MYO9A: variants seen among roughly 807,000 people sequenced by gnomAD.
MYO9A encodes the protein myosin IXA.
Under a neutral mutation model 293.3 loss-of-function variants are expected in MYO9A, and 103 were observed. The ratio of observed to expected loss-of-function variants is 0.35; its 90% CI spans 0.30 to 0.41. The LOEUF is 0.41. Among genes scored for constraint, MYO9A ranks in the 10% least tolerant of loss-of-function variants. MYO9A has a pLI of 1.00. For missense variants in MYO9A, 2,685 were observed against 3,033.0 expected (o/e 0.89, Z 2.69); for synonymous variants, 1,001 against 1,035.7 (o/e 0.97, Z 0.64).
At chr15:71,842,950 G>C (rs2055226095) in intron 39 of MYO9A, among the ~76,000 whole-genome samples, 1 of 151,640 alleles carries the variant, frequency 6.6e-6, no homozygotes. Context: ...GGGGTGGTGA[G>C]GATCAATGTT....
In MYO9A at chr15:71,970,369, T is replaced by C. The variant is rs115813258; in HGVS notation, c.1845-2244A>G. Among the ~76,000 whole-genome samples the C allele has an allele frequency of 4.5e-3, 687 of 152,302 alleles. 4 individuals carry two copies. Among genetic ancestry groups the C allele is most frequent in the African/African-American group, 0.015 (643 of 41,564 alleles). ...GGAAAGGCTAAACCAAGACCTCTGA[T>C]TCTAAACCCATACACCTAGAGCACT... is the stretch of plus-strand genomic sequence containing the variant. On this transcript the variant is annotated intron_variant, in intron 12 of 41. Transcript: ENST00000356056.
chr15:72,060,592 G>T (rs965376116), intron 1 of MYO9A, among the ~76,000 whole-genome samples: 1 of 152,126 alleles, frequency 6.6e-6, no homozygotes, highest in Non-Finnish European at 1.5e-5. Flanking sequence ...CGTCACAGGA[G>T]AAAGCAGCAC....
intron 1 of MYO9A, among the ~76,000 whole-genome samples, chr15:72,092,157 G>C (rs2150632446): frequency 6.6e-6 from 1 of 152,292 alleles, no homozygotes; most frequent in South Asian, 2.1e-4. Flanking sequence ...CTCAGGCTTT[G>C]GTTTTCATAG....
rs1254816752 is a variant in MYO9A at position 71,897,973 on chromosome 15, T to C, written c.4530A>G (p.Lys1510=). The change falls in exon 25 of 42, where the codon AAA becomes AAG. Residue 1510 remains lysine, a synonymous_variant. Coordinates refer to ENST00000356056, the MANE Select transcript of MYO9A (RefSeq NM_006901.4). ...GCTGGCGAATCTGTTCCATCATCTC[T>C]TTTTCATTCTGTTGCTGCAACTGTT... ...RQKQLQQQNE[K]EMMEQIRQQT... 3.7e-6 allele frequency: 6 copies of C among 1,614,172 alleles called. No homozygotes were observed. The highest frequency in any genetic ancestry group is 4.2e-6 in the Non-Finnish European group (5 of 1,180,046).
At chr15:71,996,766 C>T (rs1172946856) in intron 9 of MYO9A, among the ~76,000 whole-genome samples, 2 of 151,916 alleles carry the variant, frequency 1.3e-5, no homozygotes. Context: ...TTCTCACTAC[C>T]GCAGCCTCCG....
rs768892040 is a variant in MYO9A at position 71,823,058 on chromosome 15, TACAG to T, written c.*3518_*3521del. On this transcript the variant is annotated 3_prime_UTR_variant, in exon 42 of 42. Coordinates refer to ENST00000356056, the MANE Select transcript of MYO9A (RefSeq NM_006901.4). ...TGGGTGGACATAACACATTTGTCCA[TACAG>T]AATGATGCATGCCCCGCATCCAGCT... 6.6e-6 allele frequency: 1 copy of T among 151,966 alleles called. No homozygotes were observed. The highest frequency in any genetic ancestry group is 1.5e-5 in the Non-Finnish European group (1 of 68,008). The allele number at this position is 151,966 out of a possible 1,614,324, so 9.4% of individuals were successfully genotyped here.
rs1567171999 is a variant in MYO9A, at chr15:71,826,834, C to CTG, written c.7391_7392dup (p.Gly2465GlnfsTer39). ...CCTTCCATTCCCAGGGCCTCATTAC[C>CTG]TGAGGCAGCTCGGTAGAATGGAGAT... On this transcript the variant is annotated frameshift_variant, in exon 42 of 42. Transcript: ENST00000356056. LOFTEE classifies it high-confidence loss of function. 1.2e-6 allele frequency: 2 copies of CTG among 1,614,016 alleles called. No homozygotes were observed. Among genetic ancestry groups the CTG allele is most frequent in the Admixed American group, 1.7e-5 (1 of 59,996 alleles).
chr15:71,998,564 T>TA (rs2076771049), intron 9 of MYO9A, among the ~76,000 whole-genome samples: 1 of 12,552 alleles, frequency 8.0e-5, no homozygotes, highest in African/African-American at 1.1e-4. Context: ...TTTTTTTTTG[T>TA]CTTTTTTTTT....
At chr15:71,894,981 G>T (rs1215710724) in intron 25 of MYO9A, among the ~76,000 whole-genome samples, 1 of 152,158 alleles carries the variant, frequency 6.6e-6, no homozygotes, top group South Asian at 2.1e-4. Flanking sequence ...TAGATTAATT[G>T]TTCTTCCATT....
At chr15:72,057,089 A>G (rs2078742846) in intron 1 of MYO9A, among the ~76,000 whole-genome samples, 1 of 151,676 alleles carries the variant, frequency 6.6e-6, no homozygotes, top group Non-Finnish European at 1.5e-5. Flanking sequence ...CCTGGGTGAC[A>G]AGAGCAAGAC....
At position 71,822,736 on chromosome 15, in the gene MYO9A, G is replaced by A. The variant is rs1357906522; in HGVS notation, c.*3844C>T. 2 of 152,132 alleles carry A rather than the reference G, an allele frequency of 1.3e-5. No homozygotes were observed. The highest frequency in any genetic ancestry group is 4.8e-5 in the African/African-American group (2 of 41,418). The allele number at this position is 152,132 out of a possible 1,614,324, so 9.4% of individuals were successfully genotyped here. On this transcript the variant is annotated 3_prime_UTR_variant, in exon 42 of 42. Transcript: ENST00000356056. Reference sequence around the variant, plus strand: ...TGCAACTTTTATATGACCTCAGAGGGCTGATAAATAGGCATTAAGAATGGA... The same window carrying A: ...TGCAACTTTTATATGACCTCAGAGGACTGATAAATAGGCATTAAGAATGGA...
intron 1 of MYO9A, among the ~76,000 whole-genome samples, chr15:72,077,651 G>A (rs551779782): frequency 1.3e-5 from 2 of 150,452 alleles, no homozygotes; most frequent in East Asian, 3.9e-4. Context: ...GTGGCGGGGG[G>A]CGGCGCGGGC....
chr15:71,873,772 A>G (rs188302255), intron 32 of MYO9A, among the ~76,000 whole-genome samples: 1 of 152,324 alleles, frequency 6.6e-6, no homozygotes, highest in East Asian at 1.9e-4. Flanking sequence ...GAATAAATGT[A>G]TTCATATGCT....
chr15:71,899,864 C>T lies in MYO9A; in HGVS notation c.3293G>A (p.Arg1098Gln), dbSNP rs141948847. The change falls in exon 24 of 42, where the codon CGG becomes CAG. Residue 1098 changes from arginine (R) to glutamine (Q), a missense_variant. By Grantham distance (43) the Arg-to-Gln change is conservative (BLOSUM62 1). This residue lies in a region of MYO9A where 1,434 missense variants were observed against 1,497.7 expected (regional missense o/e 0.96). Transcript: ENST00000356056. Reference protein sequence around the residue: ...HLERQRYLELRAAAIVIQQKW... With the variant: ...HLERQRYLELQAAAIVIQQKW... ...CTGCTGGATAACGATGGCTGCAGCC[C>T]GTAACTCCAAGTACCGCTGCCTCTC... The T allele has an allele frequency of 2.4e-5, 39 of 1,613,924 alleles. No homozygotes were observed. In the East Asian group the frequency reaches 3.3e-4, roughly 14 times the overall value.
At chr15:71,879,878 T>C (rs1043309529) in intron 29 of MYO9A, 41 bp from the exon 30 acceptor site, 3 of 1,336,862 alleles carry the variant, frequency 2.2e-6, no homozygotes, top group South Asian at 1.2e-5. Context: ...AATCAACTAA[T>C]TGAAAAGAAG....
chr15:71,968,855 T>C (rs2075942024), intron 12 of MYO9A, among the ~76,000 whole-genome samples: 1 of 152,052 alleles, frequency 6.6e-6, no homozygotes, highest in African/African-American at 2.4e-5. Flanking sequence ...AAAGAAAGTT[T>C]CAGAAAATAG....
At chr15:71,926,175 C>G (rs533514520) in intron 18 of MYO9A, among the ~76,000 whole-genome samples, 2 of 152,244 alleles carry the variant, frequency 1.3e-5, no homozygotes, top group East Asian at 3.9e-4. Context: ...ACTTAGGCTA[C>G]GGGTGTTTAC....
chr15:71,905,851 T>A (rs537163468), intron 19 of MYO9A, among the ~76,000 whole-genome samples: 2 of 152,072 alleles, frequency 1.3e-5, no homozygotes, highest in African/African-American at 4.8e-5. Context: ...CTGTTTTTCA[T>A]TTCATTGAAT....
In MYO9A at chr15:71,898,294, G is replaced by A; in HGVS notation, c.4209C>T (p.Thr1403=). 1.2e-6 allele frequency: 2 copies of A among 1,614,072 alleles called. No homozygotes were observed. Among genetic ancestry groups the A allele is most frequent in the African/African-American group, 1.3e-5 (1 of 75,032 alleles). The part of the protein sequence containing the change: ...EMVVCSSESI[T]CKPQLKDSFI... ...AGGAGTCTTTCAGCTGTGGTTTACAGGTAATAGACTCAGAACTGCAGACCA... is the reference window on the plus strand; with the variant it reads ...AGGAGTCTTTCAGCTGTGGTTTACAAGTAATAGACTCAGAACTGCAGACCA... The change falls in exon 25 of 42, where the codon ACC becomes ACT. Residue 1403 remains threonine, a synonymous_variant. Coordinates refer to ENST00000356056, the MANE Select transcript of MYO9A (RefSeq NM_006901.4).
Sources: gnomAD v4.1 joint callset for allele counts (sites outside exome capture counted in the v4.1 genomes callset) on GRCh38, gnomAD v4.1.1 for gene constraint, gnomAD v4.1.1 regional missense constraint, MANE v1.5 for transcripts, NCBI Gene and HGNC (gene_info 2026-07-23, HGNC 2026-07-21) for gene names.